The following SLC16A10 variants were observed in gnomAD, a reference collection of about 807,000 sequenced individuals.
SLC16A10 encodes monocarboxylate transporter 10.
SLC16A10 carries 27 observed loss-of-function variants against 40.0 expected under a neutral mutation model. The ratio of observed to expected loss-of-function variants is 0.67; its 90% CI spans 0.50 to 0.93. The LOEUF is 0.93. Among genes scored for constraint, SLC16A10 ranks in the 40% least tolerant of loss-of-function variants. The pLI is 0.00. For missense variants in SLC16A10, 529 were observed against 658.2 expected, an observed-to-expected ratio of 0.80 and a Z score of 2.15; for synonymous variants, 213 against 249.8, an observed-to-expected ratio of 0.85 and a Z score of 1.39.
chr6:111,159,823 A>G (rs1268872129), intron 1 of SLC16A10, among the ~76,000 whole-genome samples: 1 of 152,132 alleles, frequency 6.6e-6, no homozygotes, highest in Non-Finnish European at 1.5e-5. Flanking sequence ...ATGATTAGTC[A>G]TTTTTAGATA....
rs182648428 is a variant in SLC16A10 at position 111,197,829 on chromosome 6, T to A, written c.943-8763T>A. On this transcript the variant is annotated intron_variant, in intron 3 of 5. Coordinates refer to ENST00000368851, the MANE Select transcript of SLC16A10 (RefSeq NM_018593.5). ...GCCACACTCTTAACCCAATCTCTAGTGAACACAAGCAATAACTCACTTATC... is the reference window on the plus strand; with the variant it reads ...GCCACACTCTTAACCCAATCTCTAGAGAACACAAGCAATAACTCACTTATC... 3.5e-3 allele frequency among the ~76,000 whole-genome samples: 536 copies of A among 152,168 alleles called. 2 individuals are homozygous for A. The highest frequency in any genetic ancestry group is 0.012 in the African/African-American group (503 of 41,520).
At chr6:111,173,902 C>T (rs948373881) in intron 2 of SLC16A10, among the ~76,000 whole-genome samples, 1 of 152,178 alleles carries the variant, frequency 6.6e-6, no homozygotes, top group African/African-American at 2.4e-5. Context: ...CCTCCCCCGG[C>T]ACCATCCATG....
chr6:111,176,027 T>C (rs553182149), intron 2 of SLC16A10, among the ~76,000 whole-genome samples: 10 of 152,318 alleles, frequency 6.6e-5, no homozygotes, highest in Non-Finnish European at 5.9e-5. Context: ...TTTTCCACAA[T>C]GTATCTGGTA....
chr6:111,219,169 G>A (rs405948), intron 5 of SLC16A10, 127 bp downstream of exon 5: 449,576 of 828,732 alleles, frequency 0.54, 123,310 homozygotes, highest in East Asian at 0.66. Context: ...GCTTTTATGT[G>A]TGCCTTACTG....
chr6:111,192,065 G>T (rs980934456), intron 3 of SLC16A10, among the ~76,000 whole-genome samples: 13 of 152,102 alleles, frequency 8.5e-5, no homozygotes, highest in African/African-American at 2.9e-4. Context: ...CATTGCTTTT[G>T]GTGTTGTAGT....
At chr6:111,105,682 A>G (rs1202070674) in intron 1 of SLC16A10, among the ~76,000 whole-genome samples, 2 of 152,214 alleles carry the variant, frequency 1.3e-5, no homozygotes, top group African/African-American at 4.8e-5. Flanking sequence ...TTCAATGCAT[A>G]AAGCACTACA....
At chr6:111,138,223 G>C (rs1425017361) in intron 1 of SLC16A10, among the ~76,000 whole-genome samples, 1 of 152,208 alleles carries the variant, frequency 6.6e-6, no homozygotes, top group Non-Finnish European at 1.5e-5. Flanking sequence ...ATTCAGAAAA[G>C]TTATTACTTA....
Position 111,222,793 on chromosome 6 carries a change from T to C in SLC16A10, c.*558T>C, listed in dbSNP as rs1482559885. 6.5e-6 allele frequency: 1 copy of C among 154,216 alleles called. No homozygotes were observed. Among genetic ancestry groups the C allele is most frequent in the African/African-American group, 2.4e-5 (1 of 41,482 alleles). The allele number at this position is 154,216 out of a possible 1,614,324, so 9.6% of individuals were successfully genotyped here. On this transcript the variant is annotated 3_prime_UTR_variant, in exon 6 of 6. Transcript: ENST00000368851. ...ATTAAGATATTCTGACTTGCTCCAGTGTCAAGGGACCTTCTGGGAGCAGGT... is the reference window on the plus strand; with the variant it reads ...ATTAAGATATTCTGACTTGCTCCAGCGTCAAGGGACCTTCTGGGAGCAGGT...
At chr6:111,181,215 C>CA (rs78386837) in intron 3 of SLC16A10, among the ~76,000 whole-genome samples, 1,208 of 82,724 alleles carry the variant, frequency 0.015, 15 homozygotes, top group African/African-American at 0.042. Context: ...AACTCCATCT[C>CA]AAAAAAAAAA....
intron 2 of SLC16A10, among the ~76,000 whole-genome samples, chr6:111,176,264 G>A (rs947837137): frequency 1.3e-5 from 2 of 152,178 alleles, no homozygotes; most frequent in Admixed American, 1.3e-4. Flanking sequence ...ACCTCAGCAT[G>A]TTGCTAGACT....
Position 111,087,859 on chromosome 6 carries a change from C to T in SLC16A10, c.107C>T (p.Ser36Leu). 6.9e-7 allele frequency: 1 copy of T among 1,457,670 alleles called. No homozygotes were observed. The highest frequency in any genetic ancestry group is 9.0e-7 in the Non-Finnish European group (1 of 1,111,434). 90.3% of individuals were successfully genotyped at this position (1,457,670 alleles called of 1,614,324 possible). The part of the protein sequence containing the change: ...GAAPPPGPGP[S>L]DSPEAAVEKV... ...GCTCCGCCGCCCGGCCCGGGACCCT[C>T]GGACAGCCCCGAGGCGGCTGTCGAG... is the stretch of plus-strand genomic sequence containing the variant. Residue 36 changes from serine to leucine, a missense_variant, in exon 1 of 6, where the codon TCG becomes TTG. Transcript: ENST00000368851.
intron 1 of SLC16A10, among the ~76,000 whole-genome samples, chr6:111,120,778 G>A (rs571480115): frequency 1.3e-5 from 2 of 152,198 alleles, no homozygotes; most frequent in Admixed American, 6.5e-5. Context: ...AAGATATTAG[G>A]GTTGTCTCGA....
intron 3 of SLC16A10, chr6:111,193,384 T>G (rs1380209328): frequency 1.2e-5 from 11 of 909,468 alleles, no homozygotes; most frequent in Non-Finnish European, 1.4e-5. Flanking sequence ...ACCAGCATTC[T>G]CCTACTTGAG....
intron 3 of SLC16A10, among the ~76,000 whole-genome samples, chr6:111,192,246 A>C (rs117699398): frequency 6.6e-6 from 1 of 152,048 alleles, no homozygotes; most frequent in South Asian, 2.1e-4. Context: ...ACCCCAAATC[A>C]TCCTCTCAAG....
chr6:111,088,770 A>AT (rs923187823), intron 1 of SLC16A10, among the ~76,000 whole-genome samples: 15 of 151,240 alleles, frequency 9.9e-5, no homozygotes, highest in African/African-American at 2.7e-4. Flanking sequence ...GTTTTTTGAC[A>AT]TTTTTTTTTA....
intron 1 of SLC16A10, among the ~76,000 whole-genome samples, chr6:111,092,930 A>G (rs1771007297): frequency 6.6e-6 from 1 of 151,656 alleles, no homozygotes; most frequent in South Asian, 2.1e-4. Flanking sequence ...AATCCCAGCT[A>G]TTCGGGAGGC....
intron 1 of SLC16A10, among the ~76,000 whole-genome samples, chr6:111,098,881 G>A (rs1310746260): frequency 6.6e-6 from 1 of 152,188 alleles, no homozygotes; most frequent in African/African-American, 2.4e-5. Flanking sequence ...CCCCAGCCAT[G>A]TAGTTATTGA....
intron 1 of SLC16A10, among the ~76,000 whole-genome samples, chr6:111,102,169 C>G (rs1403848561): frequency 6.6e-6 from 1 of 152,170 alleles, no homozygotes; most frequent in African/African-American, 2.4e-5. Flanking sequence ...TTTCCCCTCT[C>G]TTGGATTGCT....
intron 2 of SLC16A10, among the ~76,000 whole-genome samples, chr6:111,174,131 C>T (rs950758606): frequency 6.6e-6 from 1 of 152,170 alleles, no homozygotes; most frequent in African/African-American, 2.4e-5. Context: ...ATATGTAGCT[C>T]TGGCTAACAG....
Sources: allele counts gnomAD v4.1 joint callset (sites outside exome capture counted in the v4.1 genomes callset), GRCh38; gene constraint gnomAD v4.1.1; transcripts MANE v1.5; gene names NCBI Gene and HGNC (gene_info 2026-07-23, HGNC 2026-07-21).